The following GPM6A variants were observed in gnomAD, a reference collection of about 807,000 sequenced individuals.
The protein encoded by GPM6A is glycoprotein M6A, also known as neuronal membrane glycoprotein M6-a.
Under a neutral mutation model 32.1 loss-of-function variants are expected in GPM6A, and 7 were observed. The ratio of observed to expected loss-of-function variants is 0.22; its 90% CI spans 0.12 to 0.41. The LOEUF (loss-of-function observed/expected upper bound fraction) is 0.41, where lower values mean the gene tolerates loss of function less well. Among genes scored for constraint, GPM6A ranks in the 10% least tolerant of loss-of-function variants. The pLI is 1.00. For synonymous variants in GPM6A, 130 were observed against 123.4 expected (o/e 1.05, Z -0.35); for missense variants, 235 against 347.2 (o/e 0.68, Z 2.57).
At chr4:175,890,703 G>A (rs1737620911) in intron 1 of GPM6A, among the ~76,000 whole-genome samples, 1 of 151,848 alleles carries the variant, frequency 6.6e-6, no homozygotes, top group African/African-American at 2.4e-5. Flanking sequence ...ACAATTGCAT[G>A]CAATCAAACC....
intron 1 of GPM6A, among the ~76,000 whole-genome samples, chr4:175,705,084 G>A (rs1401392490): frequency 6.6e-6 from 1 of 152,200 alleles, no homozygotes; most frequent in Non-Finnish European, 1.5e-5. Flanking sequence ...CTCTACAGCT[G>A]CAAGGGGGAT....
At chr4:175,865,517 A>C (rs900332423) in intron 1 of GPM6A, among the ~76,000 whole-genome samples, 3 of 152,228 alleles carry the variant, frequency 2.0e-5, no homozygotes, top group African/African-American at 7.2e-5. Context: ...ATCAATTTGA[A>C]GAGAATGAAC....
intron 1 of GPM6A, among the ~76,000 whole-genome samples, chr4:175,766,946 C>T (rs1263489112): frequency 4.6e-5 from 7 of 151,896 alleles, no homozygotes; most frequent in South Asian, 2.1e-4. Context: ...TAAGCCAGCA[C>T]GCCTGGCCTC....
intron 1 of GPM6A, among the ~76,000 whole-genome samples, chr4:175,853,504 CTTTT>C (rs70962425): frequency 7.3e-6 from 1 of 137,648 alleles, no homozygotes; most frequent in Non-Finnish European, 1.6e-5. Context: ...CAAACAAGTT[CTTTT>C]TTTTTTTTTT....
intron 1 of GPM6A, among the ~76,000 whole-genome samples, chr4:175,952,763 G>A (rs770073043): frequency 1.6e-4 from 24 of 152,148 alleles, no homozygotes; most frequent in Non-Finnish European, 1.3e-4. Flanking sequence ...GCAGAAATCC[G>A]GTGGGGGCAT....
intron 1 of GPM6A, among the ~76,000 whole-genome samples, chr4:175,772,261 T>C (rs1733221192): frequency 6.6e-6 from 1 of 152,136 alleles, no homozygotes; most frequent in Non-Finnish European, 1.5e-5. Context: ...CTCCAGTAAA[T>C]AGCATTTTGA....
intron 1 of GPM6A, among the ~76,000 whole-genome samples, chr4:175,847,208 A>G (rs551872001): frequency 6.6e-6 from 1 of 152,298 alleles, no homozygotes; most frequent in African/African-American, 2.4e-5. Context: ...TTCAGTCTAG[A>G]AACAAAGTTT....
At chr4:175,637,288 A>ATATAT (rs1740737378) in intron 6 of GPM6A, among the ~76,000 whole-genome samples, 7 of 51,060 alleles carry the variant, frequency 1.4e-4, no homozygotes, top group East Asian at 6.5e-4. Context: ...ATATTATATA[A>ATATAT]AATATATATT....
intron 1 of GPM6A, among the ~76,000 whole-genome samples, chr4:175,927,866 T>C (rs895481707): frequency 7.2e-5 from 11 of 152,024 alleles, no homozygotes; most frequent in Non-Finnish European, 1.0e-4. Flanking sequence ...GCCTGGACCA[T>C]AGAGCAAGAC....
At chr4:175,814,806 G>A (rs553350491), upstream of GPM6A, among the ~76,000 whole-genome samples, 25 of 152,230 alleles carry the variant, frequency 1.6e-4, no homozygotes, top group African/African-American at 5.5e-4. Flanking sequence ...ATTTATTGGG[G>A]TAAAATATAA....
intron 1 of GPM6A, among the ~76,000 whole-genome samples, chr4:175,775,429 G>A (rs1157226840): frequency 6.6e-6 from 1 of 152,104 alleles, no homozygotes; most frequent in Non-Finnish European, 1.5e-5. Flanking sequence ...CAAAATGGAT[G>A]TGAGGAATGT....
chr4:175,740,053 AC>A (rs1164729938), intron 1 of GPM6A, among the ~76,000 whole-genome samples: 4 of 152,062 alleles, frequency 2.6e-5, no homozygotes, highest in Non-Finnish European at 4.4e-5. Context: ...TGTCTCTAAG[AC>A]TATTTTTTAA....
At chr4:175,831,615 T>C (rs1735612919) in intron 1 of GPM6A, among the ~76,000 whole-genome samples, 1 of 151,390 alleles carries the variant, frequency 6.6e-6, no homozygotes. Flanking sequence ...CTCCACCTCC[T>C]AGGGAGTCCC....
At chr4:175,739,165 G>T (rs1360138650) in intron 1 of GPM6A, among the ~76,000 whole-genome samples, 4 of 152,046 alleles carry the variant, frequency 2.6e-5, no homozygotes, top group Non-Finnish European at 5.9e-5. Flanking sequence ...GTTCCTAATT[G>T]TTCTCATTAA....
upstream of GPM6A, among the ~76,000 whole-genome samples, chr4:175,813,498 A>C (rs1294634864): frequency 6.6e-6 from 1 of 152,020 alleles, no homozygotes; most frequent in East Asian, 1.9e-4. Context: ...TCATCTCCAA[A>C]TCAGCCAGCA....
At chr4:175,814,802 T>C (rs1239560672), upstream of GPM6A, among the ~76,000 whole-genome samples, 1 of 152,156 alleles carries the variant, frequency 6.6e-6, no homozygotes, top group Non-Finnish European at 1.5e-5. Flanking sequence ...CAGTATTTAT[T>C]GGGGTAAAAT....
At chr4:175,648,937 T>A (rs1323237140) in intron 4 of GPM6A, among the ~76,000 whole-genome samples, 1 of 152,248 alleles carries the variant, frequency 6.6e-6, no homozygotes, top group African/African-American at 2.4e-5. Flanking sequence ...CATATGTATA[T>A]GTTTCAGGAA....
chr4:175,880,309 G>A (rs182471523), intron 1 of GPM6A, among the ~76,000 whole-genome samples: 1 of 152,302 alleles, frequency 6.6e-6, no homozygotes, highest in East Asian at 1.9e-4. Flanking sequence ...ATAGTTTGAA[G>A]TCAGGTAGCG....
chr4:175,707,352 A>C (rs201788215), intron 1 of GPM6A, among the ~76,000 whole-genome samples: 3 of 152,184 alleles, frequency 2.0e-5, no homozygotes, highest in East Asian at 1.9e-4. Flanking sequence ...TGTGGAGGAA[A>C]TTGCCTCAGC....
Sources: allele counts gnomAD v4.1 joint callset (sites outside exome capture counted in the v4.1 genomes callset), GRCh38; gene constraint gnomAD v4.1.1; transcripts MANE v1.5; gene names NCBI Gene and HGNC (gene_info 2026-07-23, HGNC 2026-07-21).